EHMT1: variants seen among roughly 807,000 people sequenced by gnomAD.
EHMT1 encodes the protein euchromatic histone lysine methyltransferase 1.
EHMT1 carries 15 observed loss-of-function variants against 147.2 expected under a neutral mutation model. The ratio of observed to expected loss-of-function variants is 0.10; its 90% confidence interval spans 0.07 to 0.16. The LOEUF (loss-of-function observed/expected upper bound fraction) is 0.16, where lower values mean the gene tolerates loss of function less well. Ranked by LOEUF, EHMT1 falls within the 10% of genes least tolerant of loss-of-function variation. EHMT1 has a pLI of 1.00. For missense variants in EHMT1, 1,587 were observed against 1,772.4 expected (o/e 0.90, Z 1.88); for synonymous variants, 795 against 709.6 (o/e 1.12, Z -1.91).
chr9:137,659,414 A>AATTG (rs1938827848), intron 1 of EHMT1, among the ~76,000 whole-genome samples: 1 of 151,668 alleles, frequency 6.6e-6, no homozygotes, highest in Admixed American at 6.6e-5. Context: ...TTAATTAATT[A>AATTG]ATTAATTATT....
intron 1 of EHMT1, among the ~76,000 whole-genome samples, chr9:137,650,077 C>T (rs866920605): frequency 2.6e-5 from 4 of 152,004 alleles, no homozygotes; most frequent in Non-Finnish European, 4.4e-5. Context: ...GTTTTTATAT[C>T]GTCGCCAACA....
intron 9 of EHMT1, among the ~76,000 whole-genome samples, chr9:137,759,824 G>C (rs370314620): frequency 4.6e-5 from 7 of 152,186 alleles, no homozygotes; most frequent in African/African-American, 1.7e-4. Flanking sequence ...TGGCGTCTGG[G>C]GCTCTGGGAG....
chr9:137,689,792 G>A (rs554079646), intron 1 of EHMT1, among the ~76,000 whole-genome samples: 125 of 152,368 alleles, frequency 8.2e-4, no homozygotes, highest in Non-Finnish European at 1.4e-3. Context: ...GAGCTAAGGA[G>A]GGTGAGAGAG....
intron 15 of EHMT1, chr9:137,784,049 A>C: frequency 6.0e-6 from 5 of 833,396 alleles, no homozygotes; most frequent in Non-Finnish European, 1.0e-5. Flanking sequence ...TTCTCTAGCT[A>C]TAAGAGAATA....
At chr9:137,624,825 G>T (rs781589854) in intron 1 of EHMT1, among the ~76,000 whole-genome samples, 27 of 151,626 alleles carry the variant, frequency 1.8e-4, no homozygotes, top group Non-Finnish European at 5.9e-5. Context: ...CTTGAACTCG[G>T]CCTCCTGAAG....
intron 1 of EHMT1, among the ~76,000 whole-genome samples, chr9:137,687,876 A>T (rs987044009): frequency 1.3e-5 from 2 of 152,228 alleles, no homozygotes; most frequent in Admixed American, 1.3e-4. Context: ...TCATCGTGTC[A>T]CCGTCTTCAC....
At chr9:137,795,180 A>G (rs1325492140) in intron 16 of EHMT1, 8 of 152,220 alleles carry the variant, frequency 5.3e-5, no homozygotes, top group African/African-American at 1.9e-4. Context: ...CCTGGTCACA[A>G]AAACATCGGT....
At chr9:137,686,982 G>A (rs1375534114) in intron 1 of EHMT1, among the ~76,000 whole-genome samples, 1 of 152,120 alleles carries the variant, frequency 6.6e-6, no homozygotes, top group Non-Finnish European at 1.5e-5. Context: ...ACCCGCCTCG[G>A]CCTCCCAAAG....
chr9:137,720,732 T>TTGG (rs1182552183), intron 3 of EHMT1, among the ~76,000 whole-genome samples: 3 of 152,226 alleles, frequency 2.0e-5, no homozygotes, highest in African/African-American at 4.8e-5. Context: ...TGCTGAGGCC[T>TTGG]TGGTGTTCTG....
chr9:137,777,088 C>T (rs1588651616), intron 12 of EHMT1: 4 of 491,676 alleles, frequency 8.1e-6, no homozygotes, highest in African/African-American at 5.8e-5. Flanking sequence ...TCACAGCACC[C>T]CCATTGATGT....
intron 1 of EHMT1, among the ~76,000 whole-genome samples, chr9:137,662,481 G>A (rs1402516290): frequency 6.6e-6 from 1 of 151,996 alleles, no homozygotes; most frequent in Non-Finnish European, 1.5e-5. Context: ...TATAATAGGT[G>A]TGAGGCATCG....
chr9:137,834,485 T>C lies in EHMT1; in HGVS notation c.3677T>C (p.Phe1226Ser), dbSNP rs973726613. ...GACCTGCGGTTCCCCCGGATCGCCT[T>C]CTTCAGCACCCGCCTGATCGAGGCC... Reference protein sequence around the residue: ...HQDLRFPRIAFFSTRLIEAGE... With the variant: ...HQDLRFPRIASFSTRLIEAGE... The change falls in exon 26 of 27, where the codon TTC becomes TCC. Residue 1226 changes from phenylalanine to serine, a missense_variant. By Grantham distance (155) the Phe-to-Ser change is radical (BLOSUM62 -2). Around this residue, in one of 7 missense-constraint regions of EHMT1, gnomAD observed 141 missense variants for 150.8 expected, o/e 0.94. Transcript: ENST00000460843. 1.2e-6 allele frequency: 2 copies of C among 1,612,504 alleles called. No homozygotes were observed. The highest frequency in any genetic ancestry group is 1.7e-6 in the Non-Finnish European group (2 of 1,179,772).
chr9:137,719,886 C>T (rs1308792788), intron 3 of EHMT1, among the ~76,000 whole-genome samples: 8 of 111,832 alleles, frequency 7.2e-5, no homozygotes, highest in African/African-American at 2.9e-4. Flanking sequence ...AGTCGAGGTG[C>T]CGAACCCCCT....
In EHMT1 at chr9:137,628,903, A is replaced by C. The variant is rs141847585; in HGVS notation, c.21+9854A>C. ...GTGTAGGTTTGACCACATTTTATTG[A>C]GTTTTTCTTTGAAAATAATTTGGCT... On this transcript the variant is annotated intron_variant, in intron 1 of 26. Coordinates refer to ENST00000460843, the MANE Select transcript of EHMT1 (RefSeq NM_024757.5). 8.7e-3 allele frequency among the ~76,000 whole-genome samples: 1,321 copies of C among 151,720 alleles called. 12 individuals carry two copies. Among genetic ancestry groups the C allele is most frequent in the Non-Finnish European group, 0.013 (865 of 67,890 alleles).
intron 18 of EHMT1, chr9:137,803,007 C>G: frequency 1.6e-6 from 2 of 1,231,644 alleles, no homozygotes; most frequent in Non-Finnish European, 2.0e-6. Flanking sequence ...GAGGCCACCC[C>G]CAGGTGGGGC....
At chr9:137,811,041 A>C (rs1459282739) in intron 18 of EHMT1, among the ~76,000 whole-genome samples, 2 of 152,066 alleles carry the variant, frequency 1.3e-5, no homozygotes, top group African/African-American at 2.4e-5. Flanking sequence ...CCTTTTTTCA[A>C]ATCTTTCAAA....
rs1248632313 is a variant in EHMT1, at chr9:137,716,557, AGTG to A, written c.86-53_86-51del. ...GTGGTGGTGTCATGGTGGGGGAGGA[AGTG>A]GTGGTGGTGGTGGTGCCATGGAGAG... On this transcript the variant is annotated intron_variant, in intron 2 of 26. Coordinates refer to ENST00000460843, the MANE Select transcript of EHMT1 (RefSeq NM_024757.5). 584 of 1,417,068 alleles carry A rather than the reference AGTG, an allele frequency of 4.1e-4. 4 individuals carry two copies. The African/African-American group carries it at 6.2e-3, about 15-fold the overall frequency. 87.8% of individuals were successfully genotyped at this position (1,417,068 alleles called of 1,614,324 possible).
At chr9:137,788,382 G>C (rs1051103514) in intron 15 of EHMT1, 2 of 323,492 alleles carry the variant, frequency 6.2e-6, no homozygotes, top group African/African-American at 2.1e-5. Context: ...CGCCTCAGCC[G>C]GGGTGACGCT....
intron 21 of EHMT1, 21 bp from the exon 22 acceptor site, chr9:137,814,410 C>A: frequency 6.2e-7 from 1 of 1,611,556 alleles, no homozygotes; most frequent in Middle Eastern, 1.6e-4. Flanking sequence ...ACGTCTGACC[C>A]CCCGGCGCCT....
Sources: gnomAD v4.1 joint callset for allele counts (sites outside exome capture counted in the v4.1 genomes callset) on GRCh38, gnomAD v4.1.1 for gene constraint, gnomAD v4.1.1 regional missense constraint, MANE v1.5 for transcripts, NCBI Gene and HGNC (gene_info 2026-07-23, HGNC 2026-07-21) for gene names.